The following GNA11 variants were observed in gnomAD, a reference collection of about 807,000 sequenced individuals.
GNA11 encodes the protein guanine nucleotide-binding protein subunit alpha-11.
GNA11 carries 8 observed loss-of-function variants against 38.2 expected under a neutral mutation model. That is an observed-to-expected ratio of 0.21 (90% CI 0.12 to 0.38). The LOEUF (loss-of-function observed/expected upper bound fraction) is 0.38, where lower values mean the gene tolerates loss of function less well. Among genes scored for constraint, GNA11 ranks in the 10% least tolerant of loss-of-function variants. The pLI is 1.00. For synonymous variants in GNA11, 211 were observed against 221.4 expected (o/e 0.95, Z 0.42); for missense variants, 268 against 516.3 (o/e 0.52, Z 4.66).
chr19:3,118,139 G>C (rs572718439), intron 4 of GNA11: 1 of 152,228 alleles, frequency 6.6e-6, no homozygotes, highest in African/African-American at 2.4e-5. Flanking sequence ...CGCTCTCCTC[G>C]GCAGAGTTGC....
intron 1 of GNA11, among the ~76,000 whole-genome samples, chr19:3,101,126 C>A (rs1913492963): frequency 6.6e-6 from 1 of 152,188 alleles, no homozygotes; most frequent in African/African-American, 2.4e-5. Context: ...TGTGTGGTCA[C>A]CCTGATGTTT....
At position 3,121,528 on chromosome 19, in the gene GNA11, G is replaced by C; in HGVS notation, c.*349G>C. ...CACACAAGCGCCCCGTGCCCCCAGT[G>C]ACTCTGGGCCTCACAGAGCCCCCGC... On this transcript the variant is annotated 3_prime_UTR_variant, in exon 7 of 7. Transcript: ENST00000078429. The C allele has an allele frequency of 4.2e-6, 1 of 239,660 alleles. No individual in the cohort carries two copies. Among genetic ancestry groups the C allele is most frequent in the Non-Finnish European group, 8.1e-6 (1 of 123,250 alleles). The allele number at this position is 239,660 out of a possible 1,614,324, so 14.8% of individuals were successfully genotyped here.
At chr19:3,099,107 T>G (rs1913442094) in intron 1 of GNA11, among the ~76,000 whole-genome samples, 1 of 152,208 alleles carries the variant, frequency 6.6e-6, no homozygotes, top group South Asian at 2.1e-4. Context: ...TGGTGGAGCC[T>G]GTCTCTGTCT....
intron 2 of GNA11, among the ~76,000 whole-genome samples, 197 bp from the exon 3 acceptor site, chr19:3,113,133 G>A (rs928846478): frequency 1.3e-5 from 2 of 152,258 alleles, no homozygotes; most frequent in African/African-American, 4.8e-5. Context: ...GTGGGGCCTT[G>A]TTCGGAGGAA....
chr19:3,113,309 CT>C lies in GNA11; in HGVS notation c.322-20del, dbSNP rs1913823450. The stretch of plus-strand genomic sequence containing the variant: ...TGTGGCCCCAGCGAGCTCTCGACGT[CT>C]CCCCTGCCCGCCCTCGCAGGCCAAT... On this transcript the variant is annotated intron_variant, in intron 2 of 6. Transcript: ENST00000078429. 6.2e-7 allele frequency: 1 copy of C among 1,609,332 alleles called. No individual in the cohort carries two copies. The highest frequency in any genetic ancestry group is 1.4e-5 in the African/African-American group (1 of 73,792).
chr19:3,106,819 A>G (rs935794354), intron 1 of GNA11, among the ~76,000 whole-genome samples: 1 of 152,252 alleles, frequency 6.6e-6, no homozygotes, highest in East Asian at 1.9e-4. Flanking sequence ...GTATGTGTGC[A>G]TGCCTGGGTG....
chr19:3,114,082 G>A (rs1269519832), intron 3 of GNA11, among the ~76,000 whole-genome samples: 3 of 152,072 alleles, frequency 2.0e-5, no homozygotes, highest in African/African-American at 7.2e-5. Context: ...CCCTCCCCCA[G>A]CACCGGGAGA....
Position 3,119,173 on chromosome 19 carries a change from C to G in GNA11, c.736-33C>G, listed in dbSNP as rs775356005. The G allele has an allele frequency of 6.2e-7, 1 of 1,609,968 alleles. No individual in the cohort carries two copies. Among genetic ancestry groups the G allele is most frequent in the Admixed American group, 1.7e-5 (1 of 59,922 alleles). On this transcript the variant is annotated intron_variant, in intron 5 of 6. Coordinates refer to ENST00000078429, the MANE Select transcript of GNA11 (RefSeq NM_002067.5). This position sits in a 1 kb window ranked among gnomAD's most constrained non-coding sequence, Gnocchi z 4.6. Reference sequence around the variant, plus strand: ...TTGGGCTGTGTGCAGTGGGGAGGGCCCCTCTGATTCCCTCTGCCTTCGCTC... The same window carrying G: ...TTGGGCTGTGTGCAGTGGGGAGGGCGCCTCTGATTCCCTCTGCCTTCGCTC...
intron 1 of GNA11, among the ~76,000 whole-genome samples, chr19:3,098,132 A>C (rs887277741): frequency 3.3e-5 from 5 of 152,228 alleles, no homozygotes; most frequent in Non-Finnish European, 7.3e-5. Context: ...TTCACTACTC[A>C]GTGTATGCAT....
chr19:3,105,101 G>A (rs978045236), intron 1 of GNA11, among the ~76,000 whole-genome samples: 1 of 151,722 alleles, frequency 6.6e-6, no homozygotes, highest in Non-Finnish European at 1.5e-5. Context: ...AGGGTGGGAG[G>A]GGTGCATGTG....
Position 3,094,531 on chromosome 19 carries a change from G to C in GNA11, c.-121G>C, listed in dbSNP as rs1913311161. ...GCGGGGCGGGCCGGCCCGGGGCCGA[G>C]GGCCGGTGGCCGAGGCCGGAGGGCC... On this transcript the variant is annotated 5_prime_UTR_variant, in exon 1 of 7. Coordinates refer to ENST00000078429, the MANE Select transcript of GNA11 (RefSeq NM_002067.5). The surrounding 1 kb of genome is among the most constrained non-coding windows in gnomAD (Gnocchi z 6.0). 4.7e-6 allele frequency: 1 copy of C among 213,340 alleles called. No homozygotes were observed. Among genetic ancestry groups the C allele is most frequent in the African/African-American group, 2.5e-5 (1 of 40,734 alleles). The allele number at this position is 213,340 out of a possible 1,614,324, so 13.2% of individuals were successfully genotyped here. A position where few individuals can be genotyped will look rare whatever the true frequency, so the allele number is the denominator to read the frequency against.
rs996744052 is a variant in GNA11 at position 3,119,414 on chromosome 19, A to C, written c.889+55A>C. 1.3e-6 allele frequency: 2 copies of C among 1,501,940 alleles called. No homozygotes were observed. The highest frequency in any genetic ancestry group is 1.5e-5 in the African/African-American group (1 of 66,940). The allele number at this position is 1,501,940 out of a possible 1,614,324, so 93.0% of individuals were successfully genotyped here. On this transcript the variant is annotated intron_variant, in intron 6 of 6. Transcript: ENST00000078429. The surrounding 1 kb of genome is among the most constrained non-coding windows in gnomAD (Gnocchi z 4.6). ...TCGCGGGCAGGGCCTTACTGGGGGG[A>C]GGGGGCTGATATGGGAGAGGGGCTC...
chr19:3,106,738 ACATG>A (rs1341240317), intron 1 of GNA11, among the ~76,000 whole-genome samples: 1 of 151,542 alleles, frequency 6.6e-6, no homozygotes, highest in Non-Finnish European at 1.5e-5. Flanking sequence ...GTGCTGATGT[ACATG>A]CATGCATACA....
intron 1 of GNA11, among the ~76,000 whole-genome samples, chr19:3,099,299 G>C (rs1197523387): frequency 6.6e-6 from 1 of 152,170 alleles, no homozygotes; most frequent in Non-Finnish European, 1.5e-5. Flanking sequence ...TCCCCACTGG[G>C]CACCCCAGCT....
chr19:3,099,058 C>T (rs144536845), intron 1 of GNA11, among the ~76,000 whole-genome samples: 42 of 152,306 alleles, frequency 2.8e-4, no homozygotes, highest in African/African-American at 7.2e-4. Context: ...TGCTTTCCTC[C>T]GAGATTTAAC....
chr19:3,104,855 C>T (rs531101944), intron 1 of GNA11, among the ~76,000 whole-genome samples: 13 of 152,114 alleles, frequency 8.5e-5, no homozygotes, highest in Non-Finnish European at 1.8e-4. Context: ...TCCTGAACGC[C>T]GGGCTCTTGG....
intron 2 of GNA11, 64 bp from the exon 3 acceptor site, chr19:3,113,266 C>T (rs1257077698): frequency 2.0e-6 from 3 of 1,530,782 alleles, no homozygotes. Context: ...GGGGCCGTCA[C>T]AAGCTTTCTG....
Position 3,110,037 on chromosome 19 carries a change from C to A in GNA11, c.137-112C>A. Reference sequence around the variant, plus strand: ...GTGGAGAGACGGTCAGCCTCACGTGCCTTGGTTTCCTGTGCTGGGTGCTGC... The same window carrying A: ...GTGGAGAGACGGTCAGCCTCACGTGACTTGGTTTCCTGTGCTGGGTGCTGC... On this transcript the variant is annotated intron_variant, in intron 1 of 6. Coordinates refer to ENST00000078429, the MANE Select transcript of GNA11 (RefSeq NM_002067.5). This position sits in a 1 kb window ranked among gnomAD's most constrained non-coding sequence, Gnocchi z 5.4. 1.3e-6 allele frequency: 1 copy of A among 784,526 alleles called. No homozygotes were observed. Among genetic ancestry groups the A allele is most frequent in the Non-Finnish European group, 2.0e-6 (1 of 489,716 alleles). 48.6% of individuals were successfully genotyped at this position (784,526 alleles called of 1,614,324 possible).
Position 3,113,314 on chromosome 19 carries a change from C to A in GNA11, c.322-16C>A. 6.2e-7 allele frequency: 1 copy of A among 1,609,510 alleles called. No homozygotes were observed. The highest frequency in any genetic ancestry group is 1.1e-5 in the South Asian group (1 of 89,822). The stretch of plus-strand genomic sequence containing the variant: ...CCCCAGCGAGCTCTCGACGTCTCCC[C>A]TGCCCGCCCTCGCAGGCCAATGCGC... On this transcript the variant is annotated splice_polypyrimidine_tract_variant and intron_variant, in intron 2 of 6. Transcript: ENST00000078429.
Sources: allele counts gnomAD v4.1 joint callset (sites outside exome capture counted in the v4.1 genomes callset), GRCh38; gene constraint gnomAD v4.1.1; non-coding constraint Gnocchi (gnomAD v3.1); transcripts MANE v1.5; gene names NCBI Gene and HGNC (gene_info 2026-07-23, HGNC 2026-07-21).